The following GABRG2 variants were observed in gnomAD, a reference collection of about 807,000 sequenced individuals.
GABRG2 encodes gamma-aminobutyric acid type A receptor subunit gamma2, also known as gamma-aminobutyric acid receptor subunit gamma-2.
In GABRG2, 16 loss-of-function variants were observed where a neutral mutation model predicts 56.4. That is an observed-to-expected ratio of 0.28 (90% CI 0.19 to 0.43). GABRG2 has a LOEUF of 0.43. GABRG2 is among the 20% of genes least tolerant of loss of function. GABRG2 has a pLI of 1.00. For synonymous variants in GABRG2, 208 were observed against 205.5 expected, an observed-to-expected ratio of 1.01 and a Z score of -0.10; for missense variants, 327 against 582.7, an observed-to-expected ratio of 0.56 and a Z score of 4.52.
At chr5:162,123,560 A>G (rs1390757006) in intron 6 of GABRG2, among the ~76,000 whole-genome samples, 1 of 151,914 alleles carries the variant, frequency 6.6e-6, no homozygotes, top group Non-Finnish European at 1.5e-5. Flanking sequence ...AGAAAAAAGT[A>G]ACATACTTGT....
intron 6 of GABRG2, among the ~76,000 whole-genome samples, chr5:162,133,485 T>C (rs1479724606): frequency 6.6e-6 from 1 of 152,168 alleles, no homozygotes; most frequent in Non-Finnish European, 1.5e-5. Context: ...GTTAGATGTT[T>C]GCAGGAGTTA....
intron 6 of GABRG2, among the ~76,000 whole-genome samples, chr5:162,139,077 A>G (rs567778445): frequency 1.3e-5 from 2 of 152,302 alleles, no homozygotes; most frequent in African/African-American, 4.8e-5. Flanking sequence ...ACACACAAAA[A>G]AGATAAACAT....
rs567996841 is a variant in GABRG2 at position 162,109,513 on chromosome 5, A to G, written c.769+5487A>G. 1.4e-4 allele frequency among the ~76,000 whole-genome samples: 21 copies of G among 150,610 alleles called. No homozygotes were observed. In the South Asian group the frequency reaches 2.5e-3, roughly 18 times the overall value. On this transcript the variant is annotated intron_variant, in intron 6 of 9. Transcript: ENST00000639213. ...AGTCCCTGACCCCTTACTCCACTAC[A>G]TAAGCTTCACAACAGAAACCTTCTT...
At chr5:162,089,156 G>A (rs1027492002) in intron 1 of GABRG2, among the ~76,000 whole-genome samples, 10 of 152,096 alleles carry the variant, frequency 6.6e-5, no homozygotes, top group Non-Finnish European at 1.5e-4. Context: ...GTAGATTGAG[G>A]AGTGGAGCAG....
chr5:162,151,985 T>G, intron 9 of GABRG2: 1 of 424,854 alleles, frequency 2.4e-6, no homozygotes, highest in Non-Finnish European at 4.1e-6. Flanking sequence ...TGAGATGTCA[T>G]AGGTAAAGAA....
chr5:162,151,278 A>T (rs187081257), intron 8 of GABRG2: 1 of 154,868 alleles, frequency 6.5e-6, no homozygotes, highest in African/African-American at 2.4e-5. Context: ...CAATTAGATG[A>T]TTCATCAGAA....
chr5:162,069,073 C>A (rs931724687), intron 1 of GABRG2, among the ~76,000 whole-genome samples: 18 of 151,976 alleles, frequency 1.2e-4, no homozygotes, highest in African/African-American at 4.4e-4. Flanking sequence ...CTCCTGAAAA[C>A]CCTGAGAATG....
chr5:162,077,259 T>C (rs1484139510), intron 1 of GABRG2, among the ~76,000 whole-genome samples: 1 of 152,142 alleles, frequency 6.6e-6, no homozygotes, highest in Admixed American at 6.5e-5. Context: ...TTCATAATAA[T>C]GAAATTAACA....
intron 1 of GABRG2, among the ~76,000 whole-genome samples, chr5:162,083,147 T>G (rs1235608810): frequency 6.6e-6 from 1 of 151,806 alleles, no homozygotes; most frequent in African/African-American, 2.4e-5. Flanking sequence ...CTGAAAAATT[T>G]TGCTCCACCA....
chr5:162,108,748 A>G (rs973330708), intron 6 of GABRG2, among the ~76,000 whole-genome samples: 1 of 152,156 alleles, frequency 6.6e-6, no homozygotes, highest in Non-Finnish European at 1.5e-5. Context: ...AATCTGCCTG[A>G]CAAGTGGGAA....
intron 6 of GABRG2, among the ~76,000 whole-genome samples, chr5:162,139,822 A>G (rs1561657733): frequency 6.6e-6 from 1 of 152,200 alleles, no homozygotes; most frequent in Non-Finnish European, 1.5e-5. Context: ...AAAATAGGAG[A>G]AAAGGTACCC....
intron 1 of GABRG2, among the ~76,000 whole-genome samples, chr5:162,077,153 T>G (rs1759195950): frequency 6.6e-6 from 1 of 151,236 alleles, no homozygotes; most frequent in Non-Finnish European, 1.5e-5. Flanking sequence ...GCTTCTTTAA[T>G]AATCATCATT....
chr5:162,152,434 G>A (rs1216978421), intron 9 of GABRG2: 7 of 478,078 alleles, frequency 1.5e-5, no homozygotes, highest in Non-Finnish European at 2.5e-5. Flanking sequence ...GGTCTAGCAG[G>A]AAATTTGACA....
At chr5:162,078,959 C>A (rs1291825488) in intron 1 of GABRG2, among the ~76,000 whole-genome samples, 4 of 150,282 alleles carry the variant, frequency 2.7e-5, no homozygotes, top group Non-Finnish European at 4.4e-5. Context: ...ATAAAAAAAT[C>A]TTTTATATAT....
At chr5:162,146,116 C>T (rs555861228) in intron 7 of GABRG2, among the ~76,000 whole-genome samples, 1 of 152,030 alleles carries the variant, frequency 6.6e-6, no homozygotes, top group African/African-American at 2.4e-5. Flanking sequence ...TCTCAAACCT[C>T]CCTAAGGTTC....
intron 6 of GABRG2, among the ~76,000 whole-genome samples, chr5:162,131,959 T>C (rs1481997156): frequency 1.3e-5 from 2 of 150,890 alleles, no homozygotes; most frequent in East Asian, 3.9e-4. Flanking sequence ...TAGTAAAACT[T>C]AGGTTTTGGG....
rs1761439912 is a variant in GABRG2, at chr5:162,101,807, T to C, written c.631+490T>C. The C allele has an allele frequency of 2.5e-5, 4 of 159,174 alleles. No homozygotes were observed. In the South Asian group the frequency reaches 6.9e-4, roughly 28 times the overall value. 9.9% of individuals were successfully genotyped at this position (159,174 alleles called of 1,614,324 possible). A position where few individuals can be genotyped will look rare whatever the true frequency, so the allele number is the denominator to read the frequency against. On this transcript the variant is annotated intron_variant, in intron 5 of 9. Transcript: ENST00000639213. Reference sequence around the variant, plus strand: ...CAAATATAAAACCATTATTTTTACATTTATTATTTTTATCAGATAGATAAT... The same window carrying C: ...CAAATATAAAACCATTATTTTTACACTTATTATTTTTATCAGATAGATAAT...
intron 6 of GABRG2, among the ~76,000 whole-genome samples, chr5:162,109,815 T>C (rs1422310834): frequency 6.6e-6 from 1 of 152,132 alleles, no homozygotes; most frequent in African/African-American, 2.4e-5. Context: ...TTGACTCTTT[T>C]TTCTTCTCTG....
intron 1 of GABRG2, among the ~76,000 whole-genome samples, chr5:162,080,493 G>T (rs563560497): frequency 1.3e-5 from 2 of 152,252 alleles, no homozygotes; most frequent in Admixed American, 1.3e-4. Context: ...CAGGTGACTG[G>T]AAGATTGATT....
Sources: allele counts gnomAD v4.1 joint callset (sites outside exome capture counted in the v4.1 genomes callset), GRCh38; gene constraint gnomAD v4.1.1; transcripts MANE v1.5; gene names NCBI Gene and HGNC (gene_info 2026-07-23, HGNC 2026-07-21).